SHOX2: variants seen among roughly 807,000 people sequenced by gnomAD.
The protein encoded by SHOX2 is SHOX homeobox 2.
In SHOX2, 13 loss-of-function variants were observed where a neutral mutation model predicts 31.3. The observed-to-expected ratio is 0.42, with a 90% confidence interval of 0.27 to 0.66. The LOEUF is 0.66. Among genes scored for constraint, SHOX2 ranks in the 30% least tolerant of loss-of-function variants. The pLI is 0.27. For missense variants in SHOX2, 473 were observed against 443.0 expected, an observed-to-expected ratio of 1.07 and a Z score of -0.61; for synonymous variants, 244 against 196.2, an observed-to-expected ratio of 1.24 and a Z score of -2.04.
chr3:158,104,229 C>T (rs1713704239), intron 1 of SHOX2: 1 of 152,266 alleles, frequency 6.6e-6, no homozygotes, highest in Non-Finnish European at 1.5e-5. Flanking sequence ...TGAACCTCGC[C>T]GTCAGGCGCG....
intron 2 of SHOX2, among the ~76,000 whole-genome samples, chr3:158,101,425 A>C (rs923033982): frequency 1.3e-5 from 2 of 152,228 alleles, no homozygotes; most frequent in African/African-American, 4.8e-5. Flanking sequence ...ACTAATAATC[A>C]TAACTGTAAT....
chr3:158,104,172 T>G (rs1323811899), intron 1 of SHOX2: 1 of 152,248 alleles, frequency 6.6e-6, no homozygotes, highest in African/African-American at 2.4e-5. Flanking sequence ...TGCCCTGAGC[T>G]TGGAAATCAA....
Position 158,098,140 on chromosome 3 carries a change from A to T in SHOX2, c.847T>A (p.Ser283Thr). The T allele has an allele frequency of 6.2e-7, 1 of 1,613,414 alleles. No homozygotes were observed. Among genetic ancestry groups the T allele is most frequent in the Non-Finnish European group, 8.5e-7 (1 of 1,179,636 alleles). ...GCGGCCGCCACTACCGAGGCGGCGG[A>T]AGCCGAATCCGCGGCCAGCGTGGCG... ...PLATLAADSA[S>T]AASVVAAAAA... The change falls in exon 5 of 5, where the codon TCC (serine) becomes ACC (threonine). Residue 283 changes from serine to threonine, a missense_variant. Physicochemically the swap from Ser to Thr is moderately conservative, Grantham distance 58 (BLOSUM62 1). Transcript: ENST00000483851.
chr3:158,101,341 T>C (rs1713475744), intron 2 of SHOX2, among the ~76,000 whole-genome samples: 1 of 152,240 alleles, frequency 6.6e-6, no homozygotes, highest in South Asian at 2.1e-4. Context: ...TGTGCCAGGG[T>C]GGCATCCTTT....
intron 1 of SHOX2, chr3:158,103,334 C>A (rs1713635599): frequency 8.6e-6 from 2 of 231,836 alleles, no homozygotes; most frequent in East Asian, 1.1e-4. Context: ...ACCCACTGGC[C>A]TCTCACACCG....
intron 2 of SHOX2, 59 bp from the exon 3 acceptor site, chr3:158,100,370 A>T: frequency 7.5e-6 from 10 of 1,326,852 alleles, no homozygotes; most frequent in Non-Finnish European, 1.0e-5. Context: ...AAATTTTTTT[A>T]AATTACAAAA....
Position 158,096,526 on chromosome 3 carries a change from T to C in SHOX2, c.*1501A>G. On this transcript the variant is annotated 3_prime_UTR_variant, in exon 5 of 5. Transcript: ENST00000483851. ...GTCAGTCCACACATTATAGTCAAAA[T>C]AAACTTTGTTCGTGTGTATCAACAT... 6.6e-6 allele frequency: 1 copy of C among 151,908 alleles called. No homozygotes were observed. 9.4% of individuals were successfully genotyped at this position (151,908 alleles called of 1,614,324 possible). A position where few individuals can be genotyped will look rare whatever the true frequency, so the allele number is the denominator to read the frequency against.
rs930599498 is a variant in SHOX2 at position 158,105,859 on chromosome 3, C to T, written c.166G>A (p.Val56Ile). The T allele has an allele frequency of 2.7e-6, 4 of 1,476,458 alleles. No homozygotes were observed. Among genetic ancestry groups the T allele is most frequent in the Non-Finnish European group, 2.7e-6 (3 of 1,118,538 alleles). The allele number at this position is 1,476,458 out of a possible 1,614,324, so 91.5% of individuals were successfully genotyped here. A position where few individuals can be genotyped will look rare whatever the true frequency, so the allele number is the denominator to read the frequency against. ...CCGCCGCCTCCGCCGGCCGCCCGGA[C>T]TGCCGGGCTGCTGCGGTCGTCGCGG... ...AGRDDRSSPAVRAAGGGGGGG... is the reference protein window; with the variant it reads ...AGRDDRSSPAIRAAGGGGGGG... Residue 56 changes from valine to isoleucine, a missense_variant, in exon 1 of 5, where the codon GTC becomes ATC. Coordinates refer to ENST00000483851, the MANE Select transcript of SHOX2 (RefSeq NM_001163678.2).
intron 2 of SHOX2, among the ~76,000 whole-genome samples, chr3:158,101,596 T>TTTCCTGATC (rs1713497207): frequency 6.6e-6 from 1 of 152,128 alleles, no homozygotes; most frequent in Admixed American, 6.5e-5. Context: ...TCTGTTTTTT[T>TTTCCTGATC]TTTTCCTGAT....
rs375389609 is a variant in SHOX2, at chr3:158,105,730, T to A, written c.295A>T (p.Met99Leu). Residue 99 changes from methionine (M) to leucine (L), a missense_variant, in exon 1 of 5, where the codon ATG becomes TTG. Physicochemically the swap from Met to Leu is conservative, Grantham distance 15. Transcript: ENST00000483851. ...GGRSPVRELD[M>L]GAAERSREPG... Reference sequence around the variant, plus strand: ...TCCCTGCTTCTCTCGGCGGCGCCCATGTCCAGCTCCCGGACGGGAGAGCGC... The same window carrying A: ...TCCCTGCTTCTCTCGGCGGCGCCCAAGTCCAGCTCCCGGACGGGAGAGCGC... 195 of 1,524,754 alleles carry A rather than the reference T, an allele frequency of 1.3e-4. No individual in the cohort carries two copies. Among genetic ancestry groups the A allele is most frequent in the Non-Finnish European group, 1.5e-4 (169 of 1,137,170 alleles). The allele number at this position is 1,524,754 out of a possible 1,614,324, so 94.5% of individuals were successfully genotyped here. A position where few individuals can be genotyped will look rare whatever the true frequency, so the allele number is the denominator to read the frequency against.
At position 158,096,047 on chromosome 3, in the gene SHOX2, A is replaced by C. The variant is rs1180498069; in HGVS notation, c.*1980T>G. On this transcript the variant is annotated 3_prime_UTR_variant, in exon 5 of 5. Coordinates refer to ENST00000483851, the MANE Select transcript of SHOX2 (RefSeq NM_001163678.2). ...GATATTTTCATTCAATTGATCGCAA[A>C]GTGTCTTCAATTAATAACTTGGCAC... The C allele has an allele frequency of 6.5e-6, 1 of 152,696 alleles. No homozygotes were observed. The highest frequency in any genetic ancestry group is 1.5e-5 in the Non-Finnish European group (1 of 68,046). The allele number at this position is 152,696 out of a possible 1,614,324, so 9.5% of individuals were successfully genotyped here. A position where few individuals can be genotyped will look rare whatever the true frequency, so the allele number is the denominator to read the frequency against.
intron 1 of SHOX2, among the ~76,000 whole-genome samples, chr3:158,104,794 C>T (rs1489344936): frequency 1.3e-5 from 2 of 152,176 alleles, no homozygotes; most frequent in Admixed American, 6.5e-5. Flanking sequence ...TCCACGCATG[C>T]CACATATTTT....
intron 2 of SHOX2, among the ~76,000 whole-genome samples, chr3:158,101,648 A>G (rs1366621690): frequency 6.6e-6 from 1 of 152,150 alleles, no homozygotes; most frequent in Non-Finnish European, 1.5e-5. Flanking sequence ...AATTGTGCAT[A>G]GTTCGCTACA....
chr3:158,105,812 G>A lies in SHOX2; in HGVS notation c.213C>T (p.Gly71=). 6.9e-7 allele frequency: 1 copy of A among 1,455,756 alleles called. No homozygotes were observed. The highest frequency in any genetic ancestry group is 9.1e-7 in the Non-Finnish European group (1 of 1,102,054). The allele number at this position is 1,455,756 out of a possible 1,614,324, so 90.2% of individuals were successfully genotyped here. ...GGGGGGGGGG[G]GGGGGGVGGG... ...CTCCTACACCTCCTCCGCCTCCTCC[G>A]CCGCCGCCTCCGCCTCCTCCGCCGC... The change falls in exon 1 of 5, where the codon GGC becomes GGT. Residue 71 remains glycine (G), a synonymous_variant. Transcript: ENST00000483851.
intron 1 of SHOX2, 104 bp downstream of exon 1, chr3:158,105,575 G>T: frequency 5.8e-6 from 6 of 1,040,316 alleles, no homozygotes; most frequent in Admixed American, 3.0e-5. Context: ...GGCCCTCTCC[G>T]TGTCCCTCTC....
At position 158,105,778 on chromosome 3, in the gene SHOX2, C is replaced by G. The variant is rs1022616190; in HGVS notation, c.247G>C (p.Ala83Pro). The G allele has an allele frequency of 6.6e-7, 1 of 1,514,876 alleles. No homozygotes were observed. The highest frequency in any genetic ancestry group is 8.8e-7 in the Non-Finnish European group (1 of 1,132,710). The allele number at this position is 1,514,876 out of a possible 1,614,324, so 93.8% of individuals were successfully genotyped here. ...GGGGGVGGGG[A>P]GGGAGGGRSP... is the part of the protein sequence containing the mutation. ...CGCCCTCCTCCAGCTCCTCCGCCTG[C>G]TCCTCCTCCTCCTACACCTCCTCCG... The change falls in exon 1 of 5, where the codon GCA becomes CCA. Residue 83 changes from alanine (A) to proline (P), a missense_variant. Coordinates refer to ENST00000483851, the MANE Select transcript of SHOX2 (RefSeq NM_001163678.2).
In SHOX2 at chr3:158,097,818, C is replaced by T. The variant is rs1403668145; in HGVS notation, c.*209G>A. 2 of 669,946 alleles carry T rather than the reference C, an allele frequency of 3.0e-6. No individual in the cohort carries two copies. Among genetic ancestry groups the T allele is most frequent in the African/African-American group, 1.8e-5 (1 of 55,078 alleles). 41.5% of individuals were successfully genotyped at this position (669,946 alleles called of 1,614,324 possible). ...CGAGTAGGAAAACGGGCAGGAGCCA[C>T]GGAGCCTGCGTGCCTCGTGAGATCC... On this transcript the variant is annotated 3_prime_UTR_variant, in exon 5 of 5. Coordinates refer to ENST00000483851, the MANE Select transcript of SHOX2 (RefSeq NM_001163678.2).
rs1713165219 is a variant in SHOX2, at chr3:158,097,082, T to G, written c.*945A>C. 6.6e-6 allele frequency: 1 copy of G among 151,700 alleles called. No individual in the cohort carries two copies. The highest frequency in any genetic ancestry group is 1.5e-5 in the Non-Finnish European group (1 of 67,834). 9.4% of individuals were successfully genotyped at this position (151,700 alleles called of 1,614,324 possible). Reference sequence around the variant, plus strand: ...CACCATCAATGGAATACAAGTAACATGCAAACCGGAATTTACTGTCAGCAG... The same window carrying G: ...CACCATCAATGGAATACAAGTAACAGGCAAACCGGAATTTACTGTCAGCAG... On this transcript the variant is annotated 3_prime_UTR_variant, in exon 5 of 5. Transcript: ENST00000483851.
Position 158,098,225 on chromosome 3 carries a change from C to T in SHOX2, c.762G>A (p.Pro254=). Residue 254 remains proline, a synonymous_variant, in exon 5 of 5, where the codon CCG becomes CCA. Coordinates refer to ENST00000483851, the MANE Select transcript of SHOX2 (RefSeq NM_001163678.2). ...AVAHAHHHLH[P]HLAAHAPYMM... is the part of the protein sequence containing the mutation. ...TGTAGGGCGCGTGCGCGGCCAGGTG[C>T]GGATGCAGGTGGTGGTGCGCGTGCG... 1 of 1,613,898 alleles carries T rather than the reference C, an allele frequency of 6.2e-7. No individual in the cohort carries two copies. The highest frequency in any genetic ancestry group is 1.1e-5 in the South Asian group (1 of 91,044).
Sources: gnomAD v4.1 joint callset for allele counts (sites outside exome capture counted in the v4.1 genomes callset) on GRCh38, gnomAD v4.1.1 for gene constraint, MANE v1.5 for transcripts, NCBI Gene and HGNC (gene_info 2026-07-23, HGNC 2026-07-21) for gene names.